The following CHN2 variants were observed in gnomAD, a reference collection of about 807,000 sequenced individuals.
The protein encoded by CHN2 is beta-chimaerin.
A neutral mutation model predicts 56.3 loss-of-function variants in CHN2; 35 were observed. That is an observed-to-expected ratio of 0.62 (90% CI 0.47 to 0.82). The LOEUF is 0.82. CHN2 is among the 40% of genes least tolerant of loss of function. CHN2 has a pLI of 0.00. For missense variants in CHN2, 491 were observed against 580.5 expected, an observed-to-expected ratio of 0.85 and a Z score of 1.58; for synonymous variants, 210 against 212.8, an observed-to-expected ratio of 0.99 and a Z score of 0.12.
intron 1 of CHN2, among the ~76,000 whole-genome samples, chr7:29,304,141 A>T (rs1310284210): frequency 6.6e-6 from 1 of 152,222 alleles, no homozygotes; most frequent in African/African-American, 2.4e-5. Flanking sequence ...GACAAAATGA[A>T]AAACACACAA....
At chr7:29,252,785 C>T (rs111505252) in intron 1 of CHN2, among the ~76,000 whole-genome samples, 4 of 115,216 alleles carry the variant, frequency 3.5e-5, no homozygotes, top group African/African-American at 1.5e-4. Context: ...TTAGTAGAGA[C>T]GGGGTTTCAC....
chr7:29,158,981 A>G (rs184368136), intron 2 of CHN2, among the ~76,000 whole-genome samples: 31 of 152,342 alleles, frequency 2.0e-4, no homozygotes, highest in African/African-American at 7.0e-4. Context: ...GAAATATCCT[A>G]TGTAGTTATT....
intron 2 of CHN2, among the ~76,000 whole-genome samples, chr7:29,356,349 C>T (rs558924954): frequency 1.3e-5 from 2 of 152,126 alleles, no homozygotes; most frequent in East Asian, 1.9e-4. Flanking sequence ...TATGAATGTA[C>T]GTATTTGTTA....
intron 1 of CHN2, among the ~76,000 whole-genome samples, chr7:29,322,557 C>T (rs1795444636): frequency 6.6e-6 from 1 of 152,158 alleles, no homozygotes; most frequent in Admixed American, 6.5e-5. Context: ...TGTGAAAATG[C>T]CCTGAGCTCC....
At chr7:29,245,433 CAAG>C (rs896800580) in intron 1 of CHN2, among the ~76,000 whole-genome samples, 8 of 152,156 alleles carry the variant, frequency 5.3e-5, no homozygotes, top group Admixed American at 5.2e-4. Context: ...TTGGGCAAAA[CAAG>C]GTGGTAGGTA....
chr7:29,445,919 C>G (rs752489029), intron 6 of CHN2, among the ~76,000 whole-genome samples: 2 of 152,026 alleles, frequency 1.3e-5, no homozygotes, highest in Admixed American at 1.3e-4. Flanking sequence ...CAAGGGCCCC[C>G]GAGATTCTTG....
intron 11 of CHN2, among the ~76,000 whole-genome samples, chr7:29,508,271 G>A (rs998983843): frequency 3.3e-5 from 5 of 151,918 alleles, no homozygotes; most frequent in Middle Eastern, 3.2e-3. Flanking sequence ...AGAGTGAAAA[G>A]GGGGCAGGTC....
At chr7:29,302,159 G>A (rs576396942) in intron 1 of CHN2, among the ~76,000 whole-genome samples, 4 of 152,320 alleles carry the variant, frequency 2.6e-5, no homozygotes, top group East Asian at 1.9e-4. Context: ...TTTAGCGAGC[G>A]TGATTTTAAA....
intron 1 of CHN2, among the ~76,000 whole-genome samples, chr7:29,236,449 C>T (rs1787199718): frequency 6.6e-6 from 1 of 152,234 alleles, no homozygotes; most frequent in Non-Finnish European, 1.5e-5. Context: ...ATGGAACTTG[C>T]CGTGGCCATT....
At chr7:29,280,888 G>A (rs1791652579) in intron 1 of CHN2, among the ~76,000 whole-genome samples, 1 of 152,076 alleles carries the variant, frequency 6.6e-6, no homozygotes, top group Admixed American at 6.5e-5. Flanking sequence ...CCTGAGGTCA[G>A]GAGTTCAAGA....
At chr7:29,426,063 G>T (rs951552009) in intron 6 of CHN2, among the ~76,000 whole-genome samples, 18 of 151,986 alleles carry the variant, frequency 1.2e-4, no homozygotes, top group African/African-American at 2.9e-4. Flanking sequence ...AAAAAAATTA[G>T]CTGGGCATGG....
At chr7:29,436,499 G>A (rs1468660426) in intron 6 of CHN2, among the ~76,000 whole-genome samples, 1 of 152,082 alleles carries the variant, frequency 6.6e-6, no homozygotes. Flanking sequence ...TTTTGACCTT[G>A]GAGTTTCATT....
At chr7:29,463,841 G>A (rs910514829) in intron 6 of CHN2, among the ~76,000 whole-genome samples, 1 of 152,188 alleles carries the variant, frequency 6.6e-6, no homozygotes, top group Non-Finnish European at 1.5e-5. Context: ...GTGGAACTGA[G>A]TGCCCAGCAG....
rs574922123 is a variant in CHN2 at position 29,443,108 on chromosome 7, T to C, written c.577-37171T>C. ...GGCGCCCGCCACCGCGCCCGGCTAA[T>C]TTTTTGTATTTTTAGTAGAGACGGG... On this transcript the variant is annotated intron_variant, in intron 6 of 12. Coordinates refer to ENST00000222792, the MANE Select transcript of CHN2 (RefSeq NM_004067.4). Among the ~76,000 whole-genome samples, 1,047 of 150,464 alleles carry C rather than the reference T, an allele frequency of 7.0e-3. 17 individuals carry two copies. The highest frequency in any genetic ancestry group is 0.024 in the African/African-American group (987 of 40,644).
chr7:29,473,646 A>G (rs1282819902), intron 6 of CHN2, among the ~76,000 whole-genome samples: 1 of 151,960 alleles, frequency 6.6e-6, no homozygotes, highest in African/African-American at 2.4e-5. Flanking sequence ...GCCTGATCTC[A>G]TACTGACTGA....
intron 1 of CHN2, among the ~76,000 whole-genome samples, chr7:29,265,512 A>C (rs564237121): frequency 6.6e-6 from 1 of 152,324 alleles, no homozygotes; most frequent in East Asian, 1.9e-4. Flanking sequence ...TAAATTGCTT[A>C]AGAGATGTGG....
chr7:29,256,654 A>G (rs887293476), intron 1 of CHN2, among the ~76,000 whole-genome samples: 1 of 152,150 alleles, frequency 6.6e-6, no homozygotes, highest in African/African-American at 2.4e-5. Flanking sequence ...TTAAAGTTCA[A>G]TTTCTAGTCA....
At chr7:29,436,032 A>G (rs571268512) in intron 6 of CHN2, among the ~76,000 whole-genome samples, 1 of 152,210 alleles carries the variant, frequency 6.6e-6, no homozygotes, top group Admixed American at 6.5e-5. Flanking sequence ...GCTTGCCCTA[A>G]AGATGCAACA....
chr7:29,291,058 C>T (rs1319026582), intron 1 of CHN2, among the ~76,000 whole-genome samples: 2 of 152,272 alleles, frequency 1.3e-5, no homozygotes, highest in East Asian at 1.9e-4. Context: ...GTCCCGCCAG[C>T]ACTTGGGAGG....
Sources: gnomAD v4.1 joint callset for allele counts (sites outside exome capture counted in the v4.1 genomes callset) on GRCh38, gnomAD v4.1.1 for gene constraint, MANE v1.5 for transcripts, NCBI Gene and HGNC (gene_info 2026-07-23, HGNC 2026-07-21) for gene names.